The following ADAMTS18 variants were observed in gnomAD, a reference collection of about 807,000 sequenced individuals.
ADAMTS18 encodes the protein A disintegrin and metalloproteinase with thrombospondin motifs 18.
In ADAMTS18, 157 loss-of-function variants were observed where a neutral mutation model predicts 165.9. The observed-to-expected ratio is 0.95, with a 90% CI of 0.83 to 1.08. ADAMTS18 has a LOEUF of 1.08. ADAMTS18 is among the 50% of genes least tolerant of loss of function. The pLI is 0.00. For synonymous variants in ADAMTS18, 782 were observed against 578.2 expected, an observed-to-expected ratio of 1.35 and a Z score of -5.06; for missense variants, 2,040 against 1,534.0, an observed-to-expected ratio of 1.33 and a Z score of -5.51.
chr16:77,415,269 G>A (rs911847338), intron 3 of ADAMTS18, among the ~76,000 whole-genome samples: 19 of 152,142 alleles, frequency 1.2e-4, no homozygotes, highest in African/African-American at 3.4e-4. Context: ...AGCTCTTTGC[G>A]GAAAGTGTCT....
intron 3 of ADAMTS18, among the ~76,000 whole-genome samples, chr16:77,394,757 C>T (rs994240296): frequency 3.3e-5 from 5 of 152,098 alleles, no homozygotes; most frequent in Non-Finnish European, 7.4e-5. Flanking sequence ...TTCTACAACC[C>T]GATAATAAAC....
At chr16:77,350,481 A>C (rs2056540233) in intron 10 of ADAMTS18, among the ~76,000 whole-genome samples, 1 of 152,194 alleles carries the variant, frequency 6.6e-6, no homozygotes, top group Non-Finnish European at 1.5e-5. Context: ...ATCCTCACCA[A>C]TGAGCCATGG....
Position 77,290,153 on chromosome 16 carries a change from C to G in ADAMTS18, c.3403-742G>C, listed in dbSNP as rs529298620. Among the ~76,000 whole-genome samples the G allele has an allele frequency of 6.6e-5, 10 of 152,222 alleles. No individual in the cohort carries two copies. In the Middle Eastern group the frequency reaches 0.01, roughly 155 times the overall value. The stretch of plus-strand genomic sequence containing the variant: ...TCTCAATTAAAATTTAAGGGCAAGT[C>G]TTGTTATCAAATTATCTAAACTAGG... On this transcript the variant is annotated intron_variant, in intron 21 of 22. Transcript: ENST00000282849.
chr16:77,361,016 G>A (rs2056704973), intron 7 of ADAMTS18, among the ~76,000 whole-genome samples: 1 of 152,132 alleles, frequency 6.6e-6, no homozygotes, highest in African/African-American at 2.4e-5. Context: ...AACATGGGAG[G>A]CAGAGGTTGC....
intron 3 of ADAMTS18, among the ~76,000 whole-genome samples, chr16:77,372,992 C>G (rs2056897782): frequency 6.6e-6 from 1 of 152,168 alleles, no homozygotes; most frequent in Non-Finnish European, 1.5e-5. Flanking sequence ...TCCTCTCTTC[C>G]TCTTCTCACA....
intron 22 of ADAMTS18, among the ~76,000 whole-genome samples, chr16:77,288,345 T>C (rs1024129404): frequency 1.8e-4 from 27 of 152,100 alleles, no homozygotes; most frequent in Non-Finnish European, 7.4e-5. Flanking sequence ...CTTCCCTATG[T>C]AGTATCCCAG....
chr16:77,349,382 T>A (rs953589187), intron 10 of ADAMTS18, among the ~76,000 whole-genome samples: 2 of 152,076 alleles, frequency 1.3e-5, no homozygotes, highest in African/African-American at 4.8e-5. Flanking sequence ...ATAGCTTATC[T>A]TTACAGGTGC....
chr16:77,308,305 A>T (rs982537756), intron 16 of ADAMTS18, among the ~76,000 whole-genome samples: 7 of 152,246 alleles, frequency 4.6e-5, no homozygotes, highest in Non-Finnish European at 1.0e-4. Context: ...CACTTTGTTT[A>T]TCAGACAGGG....
At chr16:77,393,003 C>T (rs930769205) in intron 3 of ADAMTS18, among the ~76,000 whole-genome samples, 2 of 151,974 alleles carry the variant, frequency 1.3e-5, no homozygotes, top group South Asian at 2.1e-4. Flanking sequence ...AAAAAAAGGA[C>T]CCAGAATCAG....
intron 3 of ADAMTS18, among the ~76,000 whole-genome samples, chr16:77,407,234 C>T (rs2095229662): frequency 6.6e-6 from 1 of 151,940 alleles, no homozygotes. Flanking sequence ...ACAATTATTC[C>T]ATTTTAAATA....
intron 12 of ADAMTS18, among the ~76,000 whole-genome samples, chr16:77,330,152 T>C (rs1372225639): frequency 1.3e-5 from 2 of 152,142 alleles, no homozygotes; most frequent in Non-Finnish European, 2.9e-5. Flanking sequence ...GGTGGGAAAA[T>C]ACACCACCAA....
chr16:77,342,599 C>T (rs144994953), intron 10 of ADAMTS18, among the ~76,000 whole-genome samples: 240 of 152,212 alleles, frequency 1.6e-3, no homozygotes, highest in Middle Eastern at 3.4e-3. Context: ...CCACCTTCTT[C>T]GTCTCTATTG....
At chr16:77,382,900 C>A (rs1298199760) in intron 3 of ADAMTS18, among the ~76,000 whole-genome samples, 1 of 152,118 alleles carries the variant, frequency 6.6e-6, no homozygotes, top group East Asian at 1.9e-4. Context: ...TGGAAAGCGG[C>A]GGCTTGAATG....
At position 77,293,234 on chromosome 16, in the gene ADAMTS18, C is replaced by A. The variant is rs776339298; in HGVS notation, c.3031G>T (p.Val1011Leu). 23 of 1,613,878 alleles carry A rather than the reference C, an allele frequency of 1.4e-5. No individual in the cohort carries two copies. In the South Asian group the frequency reaches 1.9e-4, roughly 13 times the overall value. The change falls in exon 20 of 23, where the codon GTG becomes TTG. Residue 1011 changes from valine (V) to leucine (L), a missense_variant. Coordinates refer to ENST00000282849, the MANE Select transcript of ADAMTS18 (RefSeq NM_199355.4). The stretch of plus-strand genomic sequence containing the variant: ...TTGCAGAGGAGTTCACGCTTCCTCA[C>A]CCCTCGTCCACAGGTCTTGGAACAC... Reference protein sequence around the residue: ...SQCSKTCGRGVRKRELLCKGS... With the variant: ...SQCSKTCGRGLRKRELLCKGS...
At chr16:77,346,327 T>G (rs78483187) in intron 10 of ADAMTS18, among the ~76,000 whole-genome samples, 6,704 of 152,284 alleles carry the variant, frequency 0.044, 194 homozygotes, top group African/African-American at 0.081. Context: ...TTCTCTCTGA[T>G]GTATCCCAAG....
Position 77,321,303 on chromosome 16 carries a change from G to A in ADAMTS18, c.2164-101C>T, listed in dbSNP as rs1182297007. 8.1e-6 allele frequency: 12 copies of A among 1,485,952 alleles called. No individual in the cohort carries two copies. The Admixed American group carries it at 2.1e-4, about 26-fold the overall frequency. The allele number at this position is 1,485,952 out of a possible 1,614,324, so 92.0% of individuals were successfully genotyped here. On this transcript the variant is annotated intron_variant, in intron 14 of 22. Coordinates refer to ENST00000282849, the MANE Select transcript of ADAMTS18 (RefSeq NM_199355.4). Reference sequence around the variant, plus strand: ...GGTTCTCTGTATTTACAGAACATTAGGGAAGCAGTACAGCTTATGGTTAAA... The same window carrying A: ...GGTTCTCTGTATTTACAGAACATTAAGGAAGCAGTACAGCTTATGGTTAAA...
chr16:77,377,847 T>C (rs1281021889), intron 3 of ADAMTS18, among the ~76,000 whole-genome samples: 2 of 152,080 alleles, frequency 1.3e-5, no homozygotes, highest in African/African-American at 2.4e-5. Flanking sequence ...TAGCCCCAAA[T>C]GAGAAATCTC....
chr16:77,346,982 G>T (rs1367177614), intron 10 of ADAMTS18, among the ~76,000 whole-genome samples: 1 of 152,088 alleles, frequency 6.6e-6, no homozygotes, highest in African/African-American at 2.4e-5. Flanking sequence ...CCTTCTTAGG[G>T]CAACCACCAT....
chr16:77,293,038 C>G, intron 20 of ADAMTS18, 38 bp downstream of exon 20: 17 of 1,612,780 alleles, frequency 1.1e-5, no homozygotes, highest in Non-Finnish European at 1.4e-5. Flanking sequence ...CCAGGATGGT[C>G]TCAATCTCCT....
Sources: gnomAD v4.1 joint callset for allele counts (sites outside exome capture counted in the v4.1 genomes callset) on GRCh38, gnomAD v4.1.1 for gene constraint, MANE v1.5 for transcripts, NCBI Gene and HGNC (gene_info 2026-07-23, HGNC 2026-07-21) for gene names.